Variants in PTPRM observed in about 807,000 individuals in gnomAD.
The protein encoded by PTPRM is protein tyrosine phosphatase receptor type M, also known as receptor-type tyrosine-protein phosphatase mu.
In PTPRM, 47 loss-of-function variants were observed where a neutral mutation model predicts 186.7. The ratio of observed to expected loss-of-function variants is 0.25; its 90% CI spans 0.20 to 0.32. The LOEUF (loss-of-function observed/expected upper bound fraction) is 0.32. Among genes scored for constraint, PTPRM ranks in the 10% least tolerant of loss-of-function variants. The pLI is 1.00. For missense variants in PTPRM, 1,494 were observed against 1,865.0 expected (o/e 0.80, Z 3.66); for synonymous variants, 668 against 674.9 (o/e 0.99, Z 0.16).
chr18:7,650,608 C>T (rs556668188), intron 1 of PTPRM, among the ~76,000 whole-genome samples: 1 of 152,086 alleles, frequency 6.6e-6, no homozygotes, highest in South Asian at 2.1e-4. Context: ...GATCTGTGAC[C>T]AACCCTATAC....
chr18:8,197,496 A>G (rs7228465), intron 14 of PTPRM, among the ~76,000 whole-genome samples: 89,567 of 152,116 alleles, frequency 0.59, 27,332 homozygotes, highest in East Asian at 0.84. Context: ...TTTCATTTCC[A>G]TTCACAGGAC....
chr18:7,860,084 T>TA (rs1474956234), intron 2 of PTPRM, among the ~76,000 whole-genome samples: 1 of 152,090 alleles, frequency 6.6e-6, no homozygotes, highest in African/African-American at 2.4e-5. Context: ...ATTTTATTTT[T>TA]TTTTTTGAGA....
In PTPRM at chr18:8,187,441, G is replaced by A. The variant is rs572364506; in HGVS notation, c.2300+43662G>A. 1.6e-3 allele frequency among the ~76,000 whole-genome samples: 250 copies of A among 152,316 alleles called. 1 individual carries two copies. The highest frequency in any genetic ancestry group is 5.5e-3 in the African/African-American group (230 of 41,578). On this transcript the variant is annotated intron_variant, in intron 14 of 32. Transcript: ENST00000580170. ...CCTGGTGGGCAAGGCGGTGGCAGAC[G>A]TGGGCTGGGCCTGAACTGCCTGGTG...
At chr18:7,632,023 A>G (rs756223815) in intron 1 of PTPRM, among the ~76,000 whole-genome samples, 31 of 152,248 alleles carry the variant, frequency 2.0e-4, no homozygotes, top group Admixed American at 3.3e-4. Context: ...TACAGATAGA[A>G]CTGTGATATA....
At chr18:8,138,114 G>T (rs1037069668) in intron 13 of PTPRM, among the ~76,000 whole-genome samples, 10 of 152,120 alleles carry the variant, frequency 6.6e-5, no homozygotes, top group African/African-American at 2.2e-4. Flanking sequence ...TAGAGGGAAC[G>T]TCAAGTGTCA....
chr18:8,033,235 T>G (rs17567847), intron 7 of PTPRM, among the ~76,000 whole-genome samples: 51,736 of 151,982 alleles, frequency 0.34, 9,857 homozygotes, highest in Non-Finnish European at 0.43. Context: ...AGGCAATTTG[T>G]GAAAACAGAG....
intron 1 of PTPRM, among the ~76,000 whole-genome samples, chr18:7,673,940 A>C (rs1364008828): frequency 6.6e-6 from 1 of 152,186 alleles, no homozygotes. Context: ...TGGGTAGAGC[A>C]GAGTGGAGGT....
chr18:8,240,618 GGA>G (rs372227037), intron 14 of PTPRM, among the ~76,000 whole-genome samples: 7,925 of 34,090 alleles, frequency 0.23, 494 homozygotes, highest in East Asian at 0.37. Flanking sequence ...AGAGAGGGAG[GGA>G]GAGAGAGAGA....
At chr18:8,344,446 G>GTATATATATATATATA (rs1412437272) in intron 23 of PTPRM, among the ~76,000 whole-genome samples, 101 of 16,582 alleles carry the variant, frequency 6.1e-3, no homozygotes, top group South Asian at 0.012. Context: ...GTGTGTGTGT[G>GTATATATATATATATA]TGTATATATA....
At chr18:8,264,423 T>G (rs964434475) in intron 19 of PTPRM, among the ~76,000 whole-genome samples, 5 of 149,852 alleles carry the variant, frequency 3.3e-5, no homozygotes, top group Admixed American at 6.6e-5. Context: ...AGAACTTTCA[T>G]GATGTTGAGG....
At chr18:7,663,745 T>C (rs1371197654) in intron 1 of PTPRM, among the ~76,000 whole-genome samples, 1 of 152,194 alleles carries the variant, frequency 6.6e-6, no homozygotes, top group Non-Finnish European at 1.5e-5. Context: ...TGTGGTCTGT[T>C]TCTGGACATG....
chr18:8,402,304 G>C (rs1285394421), intron 32 of PTPRM, among the ~76,000 whole-genome samples: 1 of 152,166 alleles, frequency 6.6e-6, no homozygotes, highest in Non-Finnish European at 1.5e-5. Context: ...GGGACTGGGT[G>C]CTTGCTCAGG....
At chr18:7,706,601 C>CAAAAAAAAAAAAAAAA (rs766639399) in intron 1 of PTPRM, among the ~76,000 whole-genome samples, 3 of 16,144 alleles carry the variant, frequency 1.9e-4, no homozygotes, top group Non-Finnish European at 2.5e-4. Context: ...GACCTTGTCT[C>CAAAAAAAAAAAAAAAA]AAAAAAAAAA....
At chr18:8,047,002 G>T (rs886223873) in intron 7 of PTPRM, among the ~76,000 whole-genome samples, 2 of 152,036 alleles carry the variant, frequency 1.3e-5, no homozygotes, top group African/African-American at 4.8e-5. Context: ...CCAAATAAAG[G>T]TTTTTTCTTA....
intron 22 of PTPRM, among the ~76,000 whole-genome samples, chr18:8,336,462 G>T (rs2095439447): frequency 6.6e-6 from 1 of 151,842 alleles, no homozygotes; most frequent in Non-Finnish European, 1.5e-5. Flanking sequence ...TGAGGTGGGA[G>T]GATCACTTGA....
intron 7 of PTPRM, among the ~76,000 whole-genome samples, chr18:7,981,802 G>A (rs1568123346): frequency 6.6e-6 from 1 of 152,216 alleles, no homozygotes; most frequent in South Asian, 2.1e-4. Flanking sequence ...CTGCAAAATT[G>A]TAGAGCATGT....
chr18:7,761,116 T>C (rs2041751309), intron 1 of PTPRM, among the ~76,000 whole-genome samples: 1 of 152,210 alleles, frequency 6.6e-6, no homozygotes, highest in South Asian at 2.1e-4. Flanking sequence ...GTTCCCTATA[T>C]TTTAGCAACT....
intron 11 of PTPRM, among the ~76,000 whole-genome samples, chr18:8,111,110 T>C (rs998405325): frequency 2.6e-5 from 4 of 152,130 alleles, no homozygotes; most frequent in African/African-American, 7.2e-5. Context: ...ATTAGGAAAA[T>C]GGGAAAGATA....
intron 1 of PTPRM, among the ~76,000 whole-genome samples, chr18:7,687,441 T>G (rs2039628998): frequency 6.6e-6 from 1 of 152,166 alleles, no homozygotes; most frequent in African/African-American, 2.4e-5. Flanking sequence ...CAATACATTA[T>G]TTACACATTT....
Sources: allele counts gnomAD v4.1 joint callset (sites outside exome capture counted in the v4.1 genomes callset), GRCh38; gene constraint gnomAD v4.1.1; transcripts MANE v1.5; gene names NCBI Gene and HGNC (gene_info 2026-07-23, HGNC 2026-07-21).